Variants in DCC observed in about 807,000 individuals in gnomAD.
The protein encoded by DCC is DCC netrin 1 receptor.
A neutral mutation model predicts 172.5 loss-of-function variants in DCC; 58 were observed. The ratio of observed to expected loss-of-function variants is 0.34; its 90% CI spans 0.27 to 0.42. The LOEUF is 0.42. Among genes scored for constraint, DCC ranks in the 10% least tolerant of loss-of-function variants. The pLI is 1.00. For synonymous variants in DCC, 709 were observed against 644.5 expected, an observed-to-expected ratio of 1.10 and a Z score of -1.52; for missense variants, 1,740 against 1,791.0, an observed-to-expected ratio of 0.97 and a Z score of 0.51.
chr18:53,270,715 T>C (rs907539631), intron 12 of DCC, among the ~76,000 whole-genome samples: 2 of 152,168 alleles, frequency 1.3e-5, no homozygotes, highest in Non-Finnish European at 2.9e-5. Context: ...GTTATCTTTT[T>C]AAAATTATGT....
intron 1 of DCC, among the ~76,000 whole-genome samples, chr18:52,613,280 G>C (rs995970382): frequency 6.6e-6 from 1 of 152,122 alleles, no homozygotes; most frequent in South Asian, 2.1e-4. Context: ...TTTTGAGACA[G>C]AGTCTCTCTC....
intron 3 of DCC, among the ~76,000 whole-genome samples, chr18:52,922,190 TA>T (rs1568188507): frequency 6.6e-6 from 1 of 152,188 alleles, no homozygotes; most frequent in African/African-American, 2.4e-5. Flanking sequence ...GAAGAGTATT[TA>T]TTTTTGTTGC....
intron 3 of DCC, among the ~76,000 whole-genome samples, chr18:52,919,276 A>G (rs1371437498): frequency 6.6e-6 from 1 of 152,222 alleles, no homozygotes; most frequent in Non-Finnish European, 1.5e-5. Flanking sequence ...GGCCTTATTT[A>G]CAACAAGAGT....
At chr18:53,043,051 A>C (rs2144005727) in intron 5 of DCC, among the ~76,000 whole-genome samples, 1 of 152,112 alleles carries the variant, frequency 6.6e-6, no homozygotes, top group African/African-American at 2.4e-5. Context: ...ACAATAGCAA[A>C]GACTTGGAAC....
intron 15 of DCC, among the ~76,000 whole-genome samples, chr18:53,356,448 G>A (rs1274133727): frequency 1.3e-5 from 2 of 152,088 alleles, no homozygotes; most frequent in African/African-American, 2.4e-5. Flanking sequence ...GTTCTAACAT[G>A]CAGTTATGTT....
At chr18:53,136,095 A>G (rs905760909) in intron 7 of DCC, among the ~76,000 whole-genome samples, 2 of 150,674 alleles carry the variant, frequency 1.3e-5, no homozygotes, top group Non-Finnish European at 2.9e-5. Context: ...TTTGAGCTGA[A>G]CAGAAATGTA....
At chr18:52,522,700 G>T (rs1210800176) in intron 1 of DCC, among the ~76,000 whole-genome samples, 2 of 152,150 alleles carry the variant, frequency 1.3e-5, no homozygotes, top group African/African-American at 4.8e-5. Flanking sequence ...TTGCAGTCAT[G>T]TATAAATGTC....
At chr18:53,350,733 A>C (rs1233543947) in intron 15 of DCC, among the ~76,000 whole-genome samples, 3 of 152,094 alleles carry the variant, frequency 2.0e-5, no homozygotes, top group African/African-American at 4.8e-5. Context: ...TTGGTAATTC[A>C]AGAGCTGTAA....
At chr18:53,426,749 T>C (rs1910995875) in intron 21 of DCC, among the ~76,000 whole-genome samples, 1 of 152,128 alleles carries the variant, frequency 6.6e-6, no homozygotes, top group Admixed American at 6.6e-5. Flanking sequence ...TCATTTTATA[T>C]TCCTAATGCT....
intron 1 of DCC, among the ~76,000 whole-genome samples, chr18:52,392,959 T>G (rs931192735): frequency 1.8e-4 from 27 of 152,122 alleles, no homozygotes; most frequent in African/African-American, 6.0e-4. Context: ...ATGTTATTTT[T>G]CTTTGCAATG....
chr18:52,520,084 G>C (rs1474906717), intron 1 of DCC, among the ~76,000 whole-genome samples: 1 of 152,158 alleles, frequency 6.6e-6, no homozygotes, highest in Non-Finnish European at 1.5e-5. Flanking sequence ...TTCACCCAAA[G>C]CCTACTGAAG....
intron 2 of DCC, among the ~76,000 whole-genome samples, chr18:52,861,977 T>C (rs571098572): frequency 6.6e-6 from 1 of 152,246 alleles, no homozygotes; most frequent in African/African-American, 2.4e-5. Context: ...CGGGTAAAGA[T>C]ACAACTGACA....
At chr18:52,784,076 ATCC>A (rs2037606638) in intron 2 of DCC, among the ~76,000 whole-genome samples, 1 of 151,822 alleles carries the variant, frequency 6.6e-6, no homozygotes. Context: ...ACCTCTCTTC[ATCC>A]TCCTCCTCCA....
At chr18:52,825,580 A>G (rs1272590226) in intron 2 of DCC, among the ~76,000 whole-genome samples, 3 of 152,184 alleles carry the variant, frequency 2.0e-5, no homozygotes, top group Non-Finnish European at 4.4e-5. Flanking sequence ...ATGGATGCAA[A>G]AAGTACAACA....
At chr18:53,160,799 T>C (rs977873131) in intron 8 of DCC, among the ~76,000 whole-genome samples, 1 of 152,196 alleles carries the variant, frequency 6.6e-6, no homozygotes, top group African/African-American at 2.4e-5. Context: ...TTTAATTTCA[T>C]GTAATATAAG....
At chr18:52,905,510 TCCTTTG>T (rs2039868794) in intron 2 of DCC, among the ~76,000 whole-genome samples, 1 of 152,128 alleles carries the variant, frequency 6.6e-6, no homozygotes, top group Non-Finnish European at 1.5e-5. Context: ...TAAAAGACAA[TCCTTTG>T]TTACTATAAT....
At chr18:53,130,335 T>A (rs552027936) in intron 7 of DCC, among the ~76,000 whole-genome samples, 2 of 152,224 alleles carry the variant, frequency 1.3e-5, no homozygotes, top group South Asian at 4.1e-4. Context: ...AAAAAACACA[T>A]CCTCTTATCT....
At chr18:52,831,862 G>T (rs1023747857) in intron 2 of DCC, among the ~76,000 whole-genome samples, 15 of 152,054 alleles carry the variant, frequency 9.9e-5, no homozygotes, top group Non-Finnish European at 1.9e-4. Context: ...TTACAGTGGG[G>T]TTTAAAGCCA....
At chr18:53,030,769 C>T (rs1238756686) in intron 5 of DCC, among the ~76,000 whole-genome samples, 1 of 152,170 alleles carries the variant, frequency 6.6e-6, no homozygotes, top group Non-Finnish European at 1.5e-5. Context: ...CATTCCCTCA[C>T]TTCACTGGGG....
Sources: gnomAD v4.1 joint callset for allele counts (sites outside exome capture counted in the v4.1 genomes callset) on GRCh38, gnomAD v4.1.1 for gene constraint, MANE v1.5 for transcripts, NCBI Gene and HGNC (gene_info 2026-07-23, HGNC 2026-07-21) for gene names.